The following SPATA6 variants were observed in gnomAD, a reference collection of about 807,000 sequenced individuals.
SPATA6 encodes spermatogenesis associated 6, also known as spermatogenesis-associated protein 6.
SPATA6 carries 56 observed loss-of-function variants against 65.3 expected under a neutral mutation model. The ratio of observed to expected loss-of-function variants is 0.86; its 90% CI spans 0.69 to 1.07. The LOEUF (loss-of-function observed/expected upper bound fraction) is 1.07, where lower values mean the gene tolerates loss of function less well. Among genes scored for constraint, SPATA6 ranks in the 50% least tolerant of loss-of-function variants. The pLI, the probability that SPATA6 is intolerant of heterozygous loss-of-function variation, is 0.00. For missense variants in SPATA6, 590 were observed against 594.8 expected (o/e 0.99, Z 0.08); for synonymous variants, 199 against 213.2 (o/e 0.93, Z 0.58).
rs1486750496 is a variant in SPATA6 at position 48,296,079 on chromosome 1, A to G, written c.*2634T>C. On this transcript the variant is annotated 3_prime_UTR_variant, in exon 13 of 13. Transcript: ENST00000371847. ...AGGTTTTTTATGATTTAAAGAAAAAAATTAAAAAGTAAAAAGAAAAGCCTA... is the reference window on the plus strand; with the variant it reads ...AGGTTTTTTATGATTTAAAGAAAAAGATTAAAAAGTAAAAAGAAAAGCCTA... The G allele has an allele frequency of 6.6e-6, 1 of 152,092 alleles. No individual in the cohort carries two copies. The allele number at this position is 152,092 out of a possible 1,614,324, so 9.4% of individuals were successfully genotyped here. A position where few individuals can be genotyped will look rare whatever the true frequency, so the allele number is the denominator to read the frequency against.
At chr1:48,314,308 A>G (rs1381136336) in intron 11 of SPATA6, among the ~76,000 whole-genome samples, 1 of 152,170 alleles carries the variant, frequency 6.6e-6, no homozygotes, top group African/African-American at 2.4e-5. Flanking sequence ...ACTCCTCAGC[A>G]AATGTAAAAG....
intron 2 of SPATA6, 38 bp downstream of exon 2, chr1:48,452,955 GT>G (rs755255974): frequency 6.9e-6 from 11 of 1,593,164 alleles, no homozygotes; most frequent in Non-Finnish European, 9.4e-6. Context: ...CCACTTTGAT[GT>G]TTTGTTTGTT....
At chr1:48,336,230 C>CA (rs926220331) in intron 11 of SPATA6, among the ~76,000 whole-genome samples, 1 of 151,952 alleles carries the variant, frequency 6.6e-6, no homozygotes, top group Non-Finnish European at 1.5e-5. Context: ...GGTGACTTCT[C>CA]AAAAACCTAA....
At chr1:48,339,174 A>G (rs1646138675) in intron 11 of SPATA6, among the ~76,000 whole-genome samples, 1 of 152,050 alleles carries the variant, frequency 6.6e-6, no homozygotes, top group African/African-American at 2.4e-5. Flanking sequence ...TAAAAGGTTA[A>G]TAATTTGGAA....
intron 12 of SPATA6, among the ~76,000 whole-genome samples, chr1:48,303,252 A>G (rs1037957813): frequency 2.0e-5 from 3 of 152,142 alleles, no homozygotes; most frequent in Admixed American, 6.6e-5. Flanking sequence ...CACCTCAAAC[A>G]TTTATCACTT....
At chr1:48,448,076 A>G (rs1656224485) in intron 3 of SPATA6, 1 of 152,078 alleles carries the variant, frequency 6.6e-6, no homozygotes, top group African/African-American at 2.4e-5. Flanking sequence ...CCTGGGCAAA[A>G]TGGTAAAACC....
At chr1:48,312,773 C>G (rs1645260704) in intron 11 of SPATA6, among the ~76,000 whole-genome samples, 2 of 152,068 alleles carry the variant, frequency 1.3e-5, no homozygotes, top group South Asian at 2.1e-4. Context: ...AGTTAGAACC[C>G]ATGGCAAAGA....
intron 9 of SPATA6, among the ~76,000 whole-genome samples, chr1:48,380,960 G>A (rs1648501395): frequency 6.6e-6 from 1 of 152,140 alleles, no homozygotes; most frequent in Non-Finnish European, 1.5e-5. Flanking sequence ...GGGCGGGGAG[G>A]ATGTCTGGTT....
chr1:48,390,730 A>G (rs1325180249), intron 8 of SPATA6, among the ~76,000 whole-genome samples: 1 of 152,222 alleles, frequency 6.6e-6, no homozygotes, highest in Non-Finnish European at 1.5e-5. Context: ...TCAGAACCAT[A>G]AAATTCTACT....
intron 12 of SPATA6, among the ~76,000 whole-genome samples, chr1:48,300,592 C>A (rs1453765225): frequency 6.6e-6 from 1 of 151,924 alleles, no homozygotes; most frequent in East Asian, 1.9e-4. Flanking sequence ...GGTACCAAAA[C>A]CAGACAAAAA....
intron 8 of SPATA6, among the ~76,000 whole-genome samples, chr1:48,392,757 A>G (rs1376436877): frequency 1.3e-5 from 2 of 152,160 alleles, no homozygotes; most frequent in Non-Finnish European, 2.9e-5. Context: ...ATAATTTGGC[A>G]AGAAAATGTT....
intron 10 of SPATA6, among the ~76,000 whole-genome samples, chr1:48,359,371 A>G (rs1557608044): frequency 6.6e-6 from 1 of 152,228 alleles, no homozygotes; most frequent in Admixed American, 6.5e-5. Context: ...AATGTGACCC[A>G]TATCTGGTTA....
intron 11 of SPATA6, among the ~76,000 whole-genome samples, chr1:48,312,206 T>C (rs183216244): frequency 1.3e-5 from 2 of 152,250 alleles, no homozygotes; most frequent in Non-Finnish European, 2.9e-5. Flanking sequence ...CTGACATCTT[T>C]GAAGAGAGTA....
At chr1:48,399,669 C>T in intron 6 of SPATA6, 25 bp from the exon 7 acceptor site, 2 of 1,536,382 alleles carry the variant, frequency 1.3e-6, no homozygotes, top group Non-Finnish European at 1.7e-6. Flanking sequence ...TAAAAATTAA[C>T]TTGGTCAAAG....
the SPATA6 span, among the ~76,000 whole-genome samples, chr1:48,274,584 T>C: frequency 6.6e-6 from 1 of 152,168 alleles, no homozygotes; most frequent in Non-Finnish European, 1.5e-5. Flanking sequence ...CCAACACCAT[T>C]TATTAAATAG....
chr1:48,441,757 C>A (rs945517606), intron 3 of SPATA6, among the ~76,000 whole-genome samples: 1 of 152,166 alleles, frequency 6.6e-6, no homozygotes, highest in African/African-American at 2.4e-5. Flanking sequence ...AAACGCTGGC[C>A]TCACTGTTTA....
intron 9 of SPATA6, among the ~76,000 whole-genome samples, chr1:48,364,774 T>C (rs1045425350): frequency 1.3e-5 from 2 of 152,354 alleles, no homozygotes; most frequent in Non-Finnish European, 2.9e-5. Flanking sequence ...TGGTAGTTTC[T>C]TTTGCTGTGC....
chr1:48,368,674 G>T (rs1444611168), intron 9 of SPATA6, among the ~76,000 whole-genome samples: 1 of 152,082 alleles, frequency 6.6e-6, no homozygotes, highest in African/African-American at 2.4e-5. Flanking sequence ...CTCTGCATTG[G>T]TTATTCTAGT....
At chr1:48,402,290 G>A (rs1336037242) in intron 6 of SPATA6, among the ~76,000 whole-genome samples, 1 of 151,946 alleles carries the variant, frequency 6.6e-6, no homozygotes, top group Non-Finnish European at 1.5e-5. Context: ...CCCTGAGAAT[G>A]TATGTACTTT....
Sources: allele counts gnomAD v4.1 joint callset (sites outside exome capture counted in the v4.1 genomes callset), GRCh38; gene constraint gnomAD v4.1.1; transcripts MANE v1.5; gene names NCBI Gene and HGNC (gene_info 2026-07-23, HGNC 2026-07-21).